The following NOX3 variants were observed in gnomAD, a reference collection of about 807,000 sequenced individuals.
The protein encoded by NOX3 is NADPH oxidase catalytic subunit-like 3.
In NOX3, 74 loss-of-function variants were observed where a neutral mutation model predicts 76.7. The observed-to-expected ratio is 0.96, with a 90% confidence interval of 0.80 to 1.17. NOX3 has a LOEUF of 1.17. Among genes scored for constraint, NOX3 ranks in the 50% most tolerant of loss-of-function variants. The pLI, the probability that NOX3 is intolerant of heterozygous loss-of-function variation, is 0.00. For synonymous variants in NOX3, 263 were observed against 261.1 expected (o/e 1.01, Z -0.07); for missense variants, 695 against 703.3 (o/e 0.99, Z 0.13).
At chr6:155,437,207 C>G (rs564756493) in intron 6 of NOX3, among the ~76,000 whole-genome samples, 249 of 152,302 alleles carry the variant, frequency 1.6e-3, no homozygotes, top group African/African-American at 5.7e-3. Context: ...TGAGTGCACT[C>G]CTGACTGACC....
chr6:155,429,176 G>T, intron 8 of NOX3, 129 bp from the exon 9 acceptor site: 1 of 858,576 alleles, frequency 1.2e-6, no homozygotes, highest in Non-Finnish European at 1.7e-6. Context: ...CCCATCTGCT[G>T]TTAGCTCCCA....
At chr6:155,410,296 A>AGG (rs1554262973) in intron 11 of NOX3, among the ~76,000 whole-genome samples, 1 of 149,346 alleles carries the variant, frequency 6.7e-6, no homozygotes, top group Admixed American at 6.7e-5. Context: ...CTATAAGGCC[A>AGG]GTGTGTGTGT....
intron 7 of NOX3, 56 bp from the exon 8 acceptor site, chr6:155,430,991 T>C (rs1582939848): frequency 8.8e-7 from 1 of 1,142,160 alleles, no homozygotes; most frequent in Non-Finnish European, 1.3e-6. Flanking sequence ...AATCCAAATA[T>C]TTTCAATTTG....
In NOX3 at chr6:155,421,752, C is replaced by T. The variant is rs1002072487; in HGVS notation, c.1308+942G>A. On this transcript the variant is annotated intron_variant, in intron 10 of 13. Transcript: ENST00000159060. ...TCAAGTGATCCTCCCACTTCAATCT[C>T]CCAAAGTGCTGGGGTTACAGGCATG... Among the ~76,000 whole-genome samples, 31 of 152,260 alleles carry T rather than the reference C, an allele frequency of 2.0e-4. 1 individual carries two copies. Among genetic ancestry groups the T allele is most frequent in the Admixed American group, 9.2e-4 (14 of 15,298 alleles).
intron 5 of NOX3, among the ~76,000 whole-genome samples, chr6:155,441,750 T>TA (rs1776988159): frequency 6.6e-6 from 1 of 152,250 alleles, no homozygotes; most frequent in Admixed American, 6.5e-5. Context: ...TAATAAATAC[T>TA]ATTTATTATA....
chr6:155,405,264 T>C (rs1776432181), intron 12 of NOX3, among the ~76,000 whole-genome samples: 1 of 152,096 alleles, frequency 6.6e-6, no homozygotes. Flanking sequence ...ACTGGTGCAA[T>C]ACAGAGAAAG....
In NOX3 at chr6:155,455,772, C is replaced by T. The variant is rs764590594; in HGVS notation, c.29G>A (p.Gly10Asp). 9.9e-6 allele frequency: 16 copies of T among 1,613,636 alleles called. No homozygotes were observed. The highest frequency in any genetic ancestry group is 3.3e-4 in the Middle Eastern group (2 of 6,062). Reference sequence around the variant, plus strand: ...ACTTACTACTAATATGGTGGAGAGACCCTCATTCAAAATCCAGCACCCCAT... The same window carrying T: ...ACTTACTACTAATATGGTGGAGAGATCCTCATTCAAAATCCAGCACCCCAT... MMGCWILNE[G>D]LSTILVLSWL... The change falls in exon 1 of 14, where the codon GGT becomes GAT. Residue 10 changes from glycine (G) to aspartate (D), a missense_variant. Physicochemically the swap from Gly to Asp is moderately conservative, Grantham distance 94. Coordinates refer to ENST00000159060, the MANE Select transcript of NOX3 (RefSeq NM_015718.3).
chr6:155,436,981 A>G (rs1776912395), intron 6 of NOX3, among the ~76,000 whole-genome samples: 1 of 152,152 alleles, frequency 6.6e-6, no homozygotes, highest in African/African-American at 2.4e-5. Flanking sequence ...CTGAATGCTC[A>G]GAAGTCTTCA....
intron 10 of NOX3, among the ~76,000 whole-genome samples, chr6:155,422,370 G>T (rs1029014651): frequency 6.6e-6 from 1 of 152,112 alleles, no homozygotes; most frequent in African/African-American, 2.4e-5. Context: ...CTAAGGAGAG[G>T]TTGCCTCTTA....
chr6:155,431,949 G>A (rs1449309755), intron 7 of NOX3, among the ~76,000 whole-genome samples: 2 of 152,086 alleles, frequency 1.3e-5, no homozygotes, highest in African/African-American at 4.8e-5. Context: ...TCTGTCCAGC[G>A]CTAAATTGAT....
intron 4 of NOX3, among the ~76,000 whole-genome samples, chr6:155,450,132 G>A (rs995118481): frequency 1.1e-4 from 17 of 152,178 alleles, no homozygotes; most frequent in African/African-American, 3.9e-4. Flanking sequence ...TTTGCTCTGG[G>A]TTGCAGTTCT....
At chr6:155,433,086 A>C (rs927157920) in intron 7 of NOX3, among the ~76,000 whole-genome samples, 9 of 152,306 alleles carry the variant, frequency 5.9e-5, no homozygotes, top group East Asian at 1.9e-4. Context: ...GGGCATCACA[A>C]ACTTCATTTT....
At chr6:155,436,731 C>T (rs554977753) in intron 6 of NOX3, among the ~76,000 whole-genome samples, 184 bp from the exon 7 acceptor site, 3 of 152,118 alleles carry the variant, frequency 2.0e-5, no homozygotes, top group Non-Finnish European at 4.4e-5. Flanking sequence ...TAAGAAGCTT[C>T]GAGTAACTTT....
At chr6:155,410,591 T>A (rs1030330141) in intron 11 of NOX3, among the ~76,000 whole-genome samples, 7 of 152,220 alleles carry the variant, frequency 4.6e-5, no homozygotes, top group Non-Finnish European at 8.8e-5. Context: ...GTATACATTA[T>A]TTTTGGTAAA....
intron 4 of NOX3, among the ~76,000 whole-genome samples, chr6:155,449,012 C>G (rs949429472): frequency 6.6e-6 from 1 of 152,152 alleles, no homozygotes; most frequent in Non-Finnish European, 1.5e-5. Flanking sequence ...TAAATCCTGT[C>G]AGGCAGGGCT....
At chr6:155,396,661 T>G (rs1255217044) in intron 13 of NOX3, 148 bp downstream of exon 13, 7 of 497,938 alleles carry the variant, frequency 1.4e-5, no homozygotes, top group Admixed American at 9.0e-5. Flanking sequence ...TTGACGTTAT[T>G]GTTTGTGGCA....
At chr6:155,435,207 C>T (rs908775907) in intron 7 of NOX3, among the ~76,000 whole-genome samples, 2 of 152,050 alleles carry the variant, frequency 1.3e-5, no homozygotes, top group African/African-American at 2.4e-5. Context: ...ATGAGCAAGG[C>T]CCCCTCTTAA....
intron 9 of NOX3, among the ~76,000 whole-genome samples, chr6:155,427,051 G>A (rs1417153690): frequency 7.1e-6 from 1 of 141,582 alleles, no homozygotes; most frequent in East Asian, 2.3e-4. Flanking sequence ...GGTGAGGGTG[G>A]GGGTGCTGTG....
chr6:155,436,000 C>T (rs1776898828), intron 7 of NOX3, among the ~76,000 whole-genome samples: 1 of 152,104 alleles, frequency 6.6e-6, no homozygotes, highest in Non-Finnish European at 1.5e-5. Context: ...ATAAAGAAGC[C>T]CTGAGCCTCA....
Sources: gnomAD v4.1 joint callset for allele counts (sites outside exome capture counted in the v4.1 genomes callset) on GRCh38, gnomAD v4.1.1 for gene constraint, MANE v1.5 for transcripts, NCBI Gene and HGNC (gene_info 2026-07-23, HGNC 2026-07-21) for gene names.